The following GPBP1 variants were observed in gnomAD, a reference collection of about 807,000 sequenced individuals.
The protein encoded by GPBP1 is vasculin.
GPBP1 carries 13 observed loss-of-function variants against 56.5 expected under a neutral mutation model. The ratio of observed to expected loss-of-function variants is 0.23; its 90% confidence interval spans 0.15 to 0.37. The LOEUF (loss-of-function observed/expected upper bound fraction) is 0.37, where lower values mean the gene tolerates loss of function less well. Among genes scored for constraint, GPBP1 ranks in the 10% least tolerant of loss-of-function variants. The pLI, the probability that GPBP1 is intolerant of heterozygous loss-of-function variation, is 1.00. For missense variants in GPBP1, 477 were observed against 572.3 expected, an observed-to-expected ratio of 0.83 and a Z score of 1.70; for synonymous variants, 204 against 188.9, an observed-to-expected ratio of 1.08 and a Z score of -0.66.
intron 3 of GPBP1, among the ~76,000 whole-genome samples, chr5:57,223,376 C>T (rs1756036478): frequency 6.6e-6 from 1 of 152,222 alleles, no homozygotes; most frequent in South Asian, 2.1e-4. Flanking sequence ...GTATGAGCCA[C>T]CGTGCCCGGC....
Position 57,263,016 on chromosome 5 carries a change from T to C in GPBP1, c.*264T>C. On this transcript the variant is annotated 3_prime_UTR_variant, in exon 12 of 12. Transcript: ENST00000506184. ...TTCATCACTGCAACATTTCTCTGAC[T>C]AGCAATGTGACGATGTAACAAATGA... is the stretch of plus-strand genomic sequence containing the variant. The C allele has an allele frequency of 3.3e-6, 1 of 301,154 alleles. No individual in the cohort carries two copies. Among genetic ancestry groups the C allele is most frequent in the Non-Finnish European group, 6.1e-6 (1 of 163,538 alleles). 18.7% of individuals were successfully genotyped at this position (301,154 alleles called of 1,614,324 possible).
intron 2 of GPBP1, among the ~76,000 whole-genome samples, chr5:57,180,903 A>G (rs1199742766): frequency 4.6e-5 from 7 of 152,242 alleles, no homozygotes; most frequent in African/African-American, 1.7e-4. Context: ...CACCACGCCC[A>G]GCTAATTTTT....
chr5:57,254,495 G>A (rs557283850), intron 10 of GPBP1, among the ~76,000 whole-genome samples: 2 of 152,182 alleles, frequency 1.3e-5, no homozygotes, highest in African/African-American at 2.4e-5. Flanking sequence ...AGGAATTCAA[G>A]ACCAGCCTGG....
At chr5:57,254,319 T>C (rs1286342303) in intron 10 of GPBP1, among the ~76,000 whole-genome samples, 1 of 152,260 alleles carries the variant, frequency 6.6e-6, no homozygotes, top group African/African-American at 2.4e-5. Context: ...TCTTCGTGGT[T>C]ACTTTTGTTT....
chr5:57,253,280 ATAT>A (rs1210405337), intron 10 of GPBP1, among the ~76,000 whole-genome samples: 1 of 152,200 alleles, frequency 6.6e-6, no homozygotes, highest in East Asian at 1.9e-4. Context: ...TTAGATTATC[ATAT>A]TATTATTCTG....
intron 8 of GPBP1, 34 bp downstream of exon 8, chr5:57,247,249 A>G: frequency 1.3e-6 from 2 of 1,545,036 alleles, no homozygotes; most frequent in Non-Finnish European, 1.8e-6. Context: ...GAGGAATGTA[A>G]CATTTTAATT....
chr5:57,257,586 GTTTC>G (rs1366972312), intron 10 of GPBP1, among the ~76,000 whole-genome samples: 1 of 152,070 alleles, frequency 6.6e-6, no homozygotes, highest in Non-Finnish European at 1.5e-5. Context: ...CCAGTCAGAG[GTTTC>G]TTTCTTTCTT....
At chr5:57,178,677 T>C (rs1421692998) in intron 2 of GPBP1, among the ~76,000 whole-genome samples, 1 of 152,256 alleles carries the variant, frequency 6.6e-6, no homozygotes, top group Non-Finnish European at 1.5e-5. Context: ...TTTGTCAACT[T>C]TGCGTACAGC....
intron 2 of GPBP1, among the ~76,000 whole-genome samples, chr5:57,197,029 GC>G (rs1218444524): frequency 6.6e-6 from 1 of 151,908 alleles, no homozygotes; most frequent in Non-Finnish European, 1.5e-5. Flanking sequence ...TGATTCGCCT[GC>G]CTCAGCCTCC....
chr5:57,241,831 C>G (rs1029532980), intron 6 of GPBP1, among the ~76,000 whole-genome samples: 2 of 152,142 alleles, frequency 1.3e-5, no homozygotes, highest in Non-Finnish European at 2.9e-5. Flanking sequence ...GGGTCTTCTT[C>G]ATATAATTAA....
At chr5:57,222,290 C>G (rs915613545) in intron 3 of GPBP1, among the ~76,000 whole-genome samples, 1 of 152,062 alleles carries the variant, frequency 6.6e-6, no homozygotes, top group Admixed American at 6.6e-5. Flanking sequence ...CTCCCCCTGC[C>G]CCACCATTTA....
intron 6 of GPBP1, among the ~76,000 whole-genome samples, chr5:57,243,329 T>C (rs1449477445): frequency 6.6e-6 from 1 of 152,140 alleles, no homozygotes; most frequent in Non-Finnish European, 1.5e-5. Context: ...CTTCCCAAAG[T>C]GCTGGGATTA....
intron 6 of GPBP1, among the ~76,000 whole-genome samples, chr5:57,241,359 A>G (rs1740816745): frequency 6.6e-6 from 1 of 152,218 alleles, no homozygotes; most frequent in African/African-American, 2.4e-5. Flanking sequence ...TATAGAAGAA[A>G]ACTAATTCTT....
chr5:57,241,911 G>C (rs1740854162), intron 6 of GPBP1, among the ~76,000 whole-genome samples: 1 of 152,160 alleles, frequency 6.6e-6, no homozygotes, highest in Non-Finnish European at 1.5e-5. Context: ...GGTTTTCCTA[G>C]GAGAATTTGT....
intron 6 of GPBP1, among the ~76,000 whole-genome samples, chr5:57,239,600 G>T (rs1740724513): frequency 6.6e-6 from 1 of 151,782 alleles, no homozygotes; most frequent in African/African-American, 2.4e-5. Flanking sequence ...GGCCAAAATG[G>T]TGAAACCCGT....
chr5:57,253,707 T>C (rs1741494838), intron 10 of GPBP1, among the ~76,000 whole-genome samples: 1 of 152,230 alleles, frequency 6.6e-6, no homozygotes, highest in Admixed American at 6.5e-5. Context: ...TTACTTTTTA[T>C]TTCTAATTTT....
chr5:57,176,975 T>A (rs1305146692), intron 2 of GPBP1, among the ~76,000 whole-genome samples: 1 of 152,260 alleles, frequency 6.6e-6, no homozygotes, highest in Non-Finnish European at 1.5e-5. Context: ...AATTAAGTTT[T>A]TGAAATAGTT....
intron 2 of GPBP1, among the ~76,000 whole-genome samples, chr5:57,185,821 G>T (rs931755161): frequency 1.3e-5 from 2 of 149,972 alleles, no homozygotes; most frequent in African/African-American, 4.9e-5. Flanking sequence ...GCAACATGAT[G>T]AAAACCTGTC....
In GPBP1 at chr5:57,263,555, A is replaced by C. The variant is rs939245926; in HGVS notation, c.*803A>C. On this transcript the variant is annotated 3_prime_UTR_variant, in exon 12 of 12. Coordinates refer to ENST00000506184, the MANE Select transcript of GPBP1 (RefSeq NM_022913.4). ...CTGATCACACTGACTGGATCTGTCC[A>C]CGACATGGAAAATAAACTGGATTTT... 1 of 152,214 alleles carries C rather than the reference A, an allele frequency of 6.6e-6. No homozygotes were observed. The highest frequency in any genetic ancestry group is 1.5e-5 in the Non-Finnish European group (1 of 68,032). The allele number at this position is 152,214 out of a possible 1,614,324, so 9.4% of individuals were successfully genotyped here. A position where few individuals can be genotyped will look rare whatever the true frequency, so the allele number is the denominator to read the frequency against.
Sources: allele counts gnomAD v4.1 joint callset (sites outside exome capture counted in the v4.1 genomes callset), GRCh38; gene constraint gnomAD v4.1.1; transcripts MANE v1.5; gene names NCBI Gene and HGNC (gene_info 2026-07-23, HGNC 2026-07-21).